Variants in RAPGEF4 observed in about 807,000 individuals in gnomAD.
RAPGEF4 encodes Rap guanine nucleotide exchange factor 4, also known as RAP guanine-nucleotide-exchange factor (GEF) 4.
A neutral mutation model predicts 147.9 loss-of-function variants in RAPGEF4; 66 were observed. The ratio of observed to expected loss-of-function variants is 0.45; its 90% CI spans 0.37 to 0.55. The LOEUF is 0.55. Ranked by LOEUF, RAPGEF4 falls within the 20% of genes least tolerant of loss-of-function variation. RAPGEF4 has a pLI of 0.00. For missense variants in RAPGEF4, 1,071 were observed against 1,257.3 expected, an observed-to-expected ratio of 0.85 and a Z score of 2.24; for synonymous variants, 419 against 442.7, an observed-to-expected ratio of 0.95 and a Z score of 0.67.
chr2:172,789,140 A>C (rs1685546143), intron 1 of RAPGEF4, among the ~76,000 whole-genome samples: 1 of 152,010 alleles, frequency 6.6e-6, no homozygotes, highest in South Asian at 2.1e-4. Context: ...AGAACCTCTC[A>C]CTCCTTCCAT....
intron 8 of RAPGEF4, among the ~76,000 whole-genome samples, chr2:172,964,567 A>G (rs935321274): frequency 3.3e-5 from 5 of 151,902 alleles, no homozygotes; most frequent in African/African-American, 1.2e-4. Context: ...GTCTCCTCCA[A>G]TTTCAACTAG....
intron 6 of RAPGEF4, among the ~76,000 whole-genome samples, chr2:172,927,117 A>G (rs933381674): frequency 1.3e-5 from 2 of 152,212 alleles, no homozygotes; most frequent in African/African-American, 2.4e-5. Flanking sequence ...TTTAAAAACT[A>G]TGGGTCATTT....
intron 17 of RAPGEF4, 39 bp from the exon 18 acceptor site, chr2:173,014,425 G>C: frequency 1.2e-6 from 2 of 1,612,516 alleles, no homozygotes; most frequent in Non-Finnish European, 1.7e-6. Context: ...TGTGAAATGA[G>C]TGTGAAATGG....
Position 173,048,583 on chromosome 2 carries a change from T to C in RAPGEF4, c.2854-17T>C. On this transcript the variant is annotated splice_polypyrimidine_tract_variant and intron_variant, in intron 29 of 30. Transcript: ENST00000397081. ...TTACTTGAATTTCTATCTTTCTTTT[T>C]TCTATATTCCTTTTAGCGCATGATT... 1 of 1,613,980 alleles carries C rather than the reference T, an allele frequency of 6.2e-7. No individual in the cohort carries two copies. Among genetic ancestry groups the C allele is most frequent in the Non-Finnish European group, 8.5e-7 (1 of 1,179,954 alleles).
chr2:172,963,591 C>T (rs1689521551), intron 8 of RAPGEF4, among the ~76,000 whole-genome samples: 1 of 152,052 alleles, frequency 6.6e-6, no homozygotes, highest in African/African-American at 2.4e-5. Context: ...ATTTTAAACC[C>T]CTGAAATATA....
At chr2:172,874,246 C>T (rs148550591) in intron 4 of RAPGEF4, among the ~76,000 whole-genome samples, 34 of 152,110 alleles carry the variant, frequency 2.2e-4, no homozygotes, top group South Asian at 1.0e-3. Context: ...GACACGTGCA[C>T]GTGTATTTTT....
intron 1 of RAPGEF4, among the ~76,000 whole-genome samples, chr2:172,762,725 A>G (rs1372118580): frequency 6.6e-6 from 1 of 152,246 alleles, no homozygotes; most frequent in Non-Finnish European, 1.5e-5. Flanking sequence ...GTTGCTGCCT[A>G]ACACAAGGTC....
At chr2:172,891,814 A>G (rs1304677943) in intron 4 of RAPGEF4, among the ~76,000 whole-genome samples, 1 of 152,210 alleles carries the variant, frequency 6.6e-6, no homozygotes, top group Non-Finnish European at 1.5e-5. Context: ...ATAAATACAA[A>G]TATACTTGAA....
intron 25 of RAPGEF4, 57 bp downstream of exon 25, chr2:173,027,316 G>C (rs1215060308): frequency 1.5e-5 from 22 of 1,420,196 alleles, no homozygotes; most frequent in Non-Finnish European, 1.9e-5. Flanking sequence ...TTTTCATTTT[G>C]TTTTCTTAGA....
chr2:172,808,967 C>T (rs1264821712), intron 3 of RAPGEF4, among the ~76,000 whole-genome samples: 1 of 152,188 alleles, frequency 6.6e-6, no homozygotes, highest in East Asian at 1.9e-4. Flanking sequence ...TACCTAATGC[C>T]AGCTTTTATG....
intron 14 of RAPGEF4, among the ~76,000 whole-genome samples, chr2:172,990,017 C>CAAAAAAAA (rs10689863): frequency 3.1e-5 from 4 of 128,796 alleles, no homozygotes; most frequent in Non-Finnish European, 1.6e-5. Flanking sequence ...GGTCTTAATG[C>CAAAAAAAA]AAAAAAAAAA....
At chr2:172,936,076 A>G (rs1346387793) in intron 6 of RAPGEF4, among the ~76,000 whole-genome samples, 1 of 152,184 alleles carries the variant, frequency 6.6e-6, no homozygotes, top group Non-Finnish European at 1.5e-5. Flanking sequence ...GAATATTTGG[A>G]AAAATAAGTG....
In RAPGEF4 at chr2:172,988,083, G is replaced by A. The variant is rs529816756; in HGVS notation, c.1151-113G>A. Reference sequence around the variant, plus strand: ...TTAATATTTGCCAGTGATGTTTCTCGAATTTTACGTATGCATATTTTCTGG... The same window carrying A: ...TTAATATTTGCCAGTGATGTTTCTCAAATTTTACGTATGCATATTTTCTGG... On this transcript the variant is annotated intron_variant, in intron 12 of 30. Transcript: ENST00000397081. The A allele has an allele frequency of 9.4e-5, 130 of 1,376,762 alleles. 1 individual carries two copies. In the East Asian group the frequency reaches 1.4e-3, roughly 15 times the overall value. 85.3% of individuals were successfully genotyped at this position (1,376,762 alleles called of 1,614,324 possible).
At chr2:172,983,638 G>GAC in intron 11 of RAPGEF4, 58 bp downstream of exon 11, 8 of 1,600,056 alleles carry the variant, frequency 5.0e-6, no homozygotes, top group Non-Finnish European at 6.8e-6. Flanking sequence ...GCACTGTTAG[G>GAC]ACAGAGGAGA....
chr2:172,769,285 A>T (rs1697138821), intron 1 of RAPGEF4, among the ~76,000 whole-genome samples: 1 of 152,186 alleles, frequency 6.6e-6, no homozygotes, highest in South Asian at 2.1e-4. Flanking sequence ...AACTCAAAGG[A>T]AGGCCAGATG....
chr2:172,774,823 A>G (rs1267624954), intron 1 of RAPGEF4, among the ~76,000 whole-genome samples: 1 of 152,232 alleles, frequency 6.6e-6, no homozygotes, highest in African/African-American at 2.4e-5. Context: ...GTAATTCTCA[A>G]ATAACTTTTC....
At chr2:172,929,521 T>C (rs1685704233) in intron 6 of RAPGEF4, among the ~76,000 whole-genome samples, 1 of 152,230 alleles carries the variant, frequency 6.6e-6, no homozygotes, top group Non-Finnish European at 1.5e-5. Context: ...TTTACTAATA[T>C]GGTCCAGAAT....
In RAPGEF4 at chr2:172,888,573, T is replaced by C. The variant is rs186109701; in HGVS notation, c.445-29229T>C. On this transcript the variant is annotated intron_variant, in intron 4 of 30. Transcript: ENST00000397081. Reference sequence around the variant, plus strand: ...GCTCTGTCTTTCATTTGTGGACCAATAAGTTGATTTTCTATCTACCTCAAG... The same window carrying C: ...GCTCTGTCTTTCATTTGTGGACCAACAAGTTGATTTTCTATCTACCTCAAG... 4.1e-4 allele frequency among the ~76,000 whole-genome samples: 62 copies of C among 152,342 alleles called. 1 individual carries two copies. Among genetic ancestry groups the C allele is most frequent in the Admixed American group, 9.1e-4 (14 of 15,306 alleles).
chr2:173,005,855 A>G (rs1351753394), intron 17 of RAPGEF4, among the ~76,000 whole-genome samples: 3 of 152,138 alleles, frequency 2.0e-5, no homozygotes, highest in African/African-American at 7.2e-5. Flanking sequence ...AAATCAAGGT[A>G]CAGGGAGGTC....
Sources: allele counts gnomAD v4.1 joint callset (sites outside exome capture counted in the v4.1 genomes callset), GRCh38; gene constraint gnomAD v4.1.1; transcripts MANE v1.5; gene names NCBI Gene and HGNC (gene_info 2026-07-23, HGNC 2026-07-21).